Variants in OR6V1 observed in about 807,000 individuals in gnomAD.
OR6V1 encodes the protein olfactory receptor 6V1.
Under a neutral mutation model 13.2 loss-of-function variants are expected in OR6V1, and 10 were observed. The ratio of observed to expected loss-of-function variants is 0.76; its 90% CI spans 0.47 to 1.28. The LOEUF is 1.28. Ranked by LOEUF, OR6V1 falls within the 50% of genes most tolerant of loss-of-function variation. The probability of loss-of-function intolerance (pLI) is 0.00; values close to 1 mark genes in which losing one functional copy is unlikely to be tolerated. For synonymous variants in OR6V1, 137 were observed against 154.2 expected (o/e 0.89, Z 0.83); for missense variants, 350 against 380.4 (o/e 0.92, Z 0.67).
chr7:143,052,825 C>A lies in OR6V1; in HGVS notation c.485C>A (p.Ala162Asp). 6.2e-7 allele frequency: 1 copy of A among 1,614,036 alleles called. No individual in the cohort carries two copies. Among genetic ancestry groups the A allele is most frequent in the South Asian group, 1.1e-5 (1 of 91,086 alleles). Residue 162 changes from alanine to aspartate, a missense_variant, in exon 1 of 1, where the codon GCT becomes GAT. Ala to Asp is a moderately radical substitution (Grantham distance 126). Transcript: ENST00000418316. ...LAMVPTVLSR[A>D]HLDYCHGDVI... is the part of the protein sequence containing the mutation. ...ATGGTACCCACTGTCCTCTCCCGAG[C>A]TCATCTTGATTACTGCCATGGCGAC...
Position 143,053,006 on chromosome 7 carries a change from T to A in OR6V1, c.666T>A (p.Thr222=). The A allele has an allele frequency of 6.2e-7, 1 of 1,614,032 alleles. No homozygotes were observed. The highest frequency in any genetic ancestry group is 8.5e-7 in the Non-Finnish European group (1 of 1,179,900). ...TLISYGYIVT[T]VLRIPSASSC... is the part of the protein sequence containing the mutation. ...TCTCCTATGGCTACATAGTGACCAC[T>A]GTGCTGCGGATCCCCTCTGCCAGCA... The change falls in exon 1 of 1, where the codon ACT becomes ACA. Residue 222 remains threonine (T), a synonymous_variant. Transcript: ENST00000418316.
At position 143,052,456 on chromosome 7, in the gene OR6V1, G is replaced by A. The variant is rs1798212158; in HGVS notation, c.116G>A (p.Gly39Glu). The A allele has an allele frequency of 1.2e-6, 2 of 1,613,764 alleles. No homozygotes were observed. Among genetic ancestry groups the A allele is most frequent in the Non-Finnish European group, 1.7e-6 (2 of 1,179,838 alleles). The change falls in exon 1 of 1, where the codon GGA (glycine) becomes GAA (glutamate). Residue 39 changes from glycine to glutamate, a missense_variant. Gly to Glu is a moderately conservative substitution (Grantham distance 98, BLOSUM62 -2). Coordinates refer to ENST00000418316, the MANE Select transcript of OR6V1 (RefSeq NM_001001667.1). ...ATGCTTTATCTTCTCGCCTTCATGG[G>A]AAACACCATCATCATAGTTATGGTC... ...FLMLYLLAFM[G>E]NTIIIVMVIA...
At position 143,053,099 on chromosome 7, in the gene OR6V1, C is replaced by G; in HGVS notation, c.759C>G (p.Thr253=). 1 of 1,614,006 alleles carries G rather than the reference C, an allele frequency of 6.2e-7. No individual in the cohort carries two copies. The highest frequency in any genetic ancestry group is 8.5e-7 in the Non-Finnish European group (1 of 1,179,872). The change falls in exon 1 of 1, where the codon ACC becomes ACG. Residue 253 remains threonine, a synonymous_variant. Coordinates refer to ENST00000418316, the MANE Select transcript of OR6V1 (RefSeq NM_001001667.1). The part of the protein sequence containing the change: ...LTLVFIGYSS[T]IFLYVRPGKA... ...TGGTCTTCATCGGCTACAGTAGTAC[C>G]ATCTTTCTGTATGTCAGGCCTGGCA... is the stretch of plus-strand genomic sequence containing the variant.
At position 143,053,058 on chromosome 7, in the gene OR6V1, G is replaced by A. The variant is rs756838911; in HGVS notation, c.718G>A (p.Gly240Arg). 1.3e-5 allele frequency: 21 copies of A among 1,613,806 alleles called. No individual in the cohort carries two copies. Among genetic ancestry groups the A allele is most frequent in the East Asian group, 6.7e-5 (3 of 44,890 alleles). Residue 240 changes from glycine to arginine, a missense_variant, in exon 1 of 1, where the codon GGG (glycine) becomes AGG (arginine). Physicochemically the swap from Gly to Arg is moderately radical, Grantham distance 125 (BLOSUM62 -2). Coordinates refer to ENST00000418316, the MANE Select transcript of OR6V1 (RefSeq NM_001001667.1). ...SSCQKAFSTC[G>R]SHLTLVFIGY... ...CTGCCAGAAGGCTTTCTCCACTTGC[G>A]GGTCTCACCTCACACTGGTCTTCAT...
At position 143,052,535 on chromosome 7, in the gene OR6V1, C is replaced by T. The variant is rs562001300; in HGVS notation, c.195C>T (p.Ser65=). ...TPMYFFLGNF[S]LLEILVTMTA... ...TGTACTTCTTCCTGGGCAATTTTTC[C>T]CTGCTGGAGATCTTGGTAACCATGA... is the stretch of plus-strand genomic sequence containing the variant. The change falls in exon 1 of 1, where the codon TCC becomes TCT. Residue 65 remains serine (S), a synonymous_variant. Transcript: ENST00000418316. The T allele has an allele frequency of 1.2e-6, 2 of 1,614,036 alleles. No homozygotes were observed. Among genetic ancestry groups the T allele is most frequent in the Non-Finnish European group, 1.7e-6 (2 of 1,179,888 alleles).
chr7:143,053,028 A>T lies in OR6V1; in HGVS notation c.688A>T (p.Ser230Cys). 2 of 1,613,954 alleles carry T rather than the reference A, an allele frequency of 1.2e-6. No homozygotes were observed. Among genetic ancestry groups the T allele is most frequent in the Non-Finnish European group, 1.7e-6 (2 of 1,179,848 alleles). Residue 230 changes from serine (S) to cysteine (C), a missense_variant, in exon 1 of 1, where the codon AGC becomes TGC. Transcript: ENST00000418316. ...VTTVLRIPSA[S>C]SCQKAFSTCG... is the part of the protein sequence containing the mutation. ...CACTGTGCTGCGGATCCCCTCTGCC[A>T]GCAGCTGCCAGAAGGCTTTCTCCAC...
At position 143,052,528 on chromosome 7, in the gene OR6V1, A is replaced by T; in HGVS notation, c.188A>T (p.Asn63Ile). The T allele has an allele frequency of 6.2e-7, 1 of 1,613,784 alleles. No homozygotes were observed. Among genetic ancestry groups the T allele is most frequent in the Non-Finnish European group, 8.5e-7 (1 of 1,179,858 alleles). Residue 63 changes from asparagine (N) to isoleucine (I), a missense_variant, in exon 1 of 1, where the codon AAT (asparagine) becomes ATT (isoleucine). Coordinates refer to ENST00000418316, the MANE Select transcript of OR6V1 (RefSeq NM_001001667.1). Reference protein sequence around the residue: ...LHTPMYFFLGNFSLLEILVTM... With the variant: ...LHTPMYFFLGIFSLLEILVTM... ...ACACCCATGTACTTCTTCCTGGGCA[A>T]TTTTTCCCTGCTGGAGATCTTGGTA... is the stretch of plus-strand genomic sequence containing the variant.
chr7:143,053,128 C>G lies in OR6V1; in HGVS notation c.788C>G (p.Ala263Gly), dbSNP rs1798228210. Reference protein sequence around the residue: ...TIFLYVRPGKAHSVQVRKVVA... With the variant: ...TIFLYVRPGKGHSVQVRKVVA... ...TTTCTGTATGTCAGGCCTGGCAAAG[C>G]TCACTCTGTGCAAGTCAGGAAGGTC... The change falls in exon 1 of 1, where the codon GCT (alanine) becomes GGT (glycine). Residue 263 changes from alanine (A) to glycine (G), a missense_variant. Transcript: ENST00000418316. 6.2e-7 allele frequency: 1 copy of G among 1,614,056 alleles called. No homozygotes were observed. The highest frequency in any genetic ancestry group is 1.6e-4 in the Middle Eastern group (1 of 6,062).
rs1396646482 is a variant in OR6V1 at position 143,053,279 on chromosome 7, A to G, written c.939A>G (p.Gln313=). ...GGCTGAAAGGCCTTTGCAAGGCACA[A>G]TGATGAGCCCAGGGCCCAGGGGAAC... ...MQRLKGLCKA[Q] Residue 313 remains glutamine, a synonymous_variant, in exon 1 of 1, where the codon CAA becomes CAG. Coordinates refer to ENST00000418316, the MANE Select transcript of OR6V1 (RefSeq NM_001001667.1). 7.5e-6 allele frequency: 12 copies of G among 1,595,556 alleles called. No homozygotes were observed. In the East Asian group the frequency reaches 1.6e-4, roughly 21 times the overall value.
Position 143,052,617 on chromosome 7 carries a change from A to G in OR6V1, c.277A>G (p.Thr93Ala). 2 of 1,613,970 alleles carry G rather than the reference A, an allele frequency of 1.2e-6. No homozygotes were observed. The highest frequency in any genetic ancestry group is 8.5e-7 in the Non-Finnish European group (1 of 1,179,880). The change falls in exon 1 of 1, where the codon ACT becomes GCT. Residue 93 changes from threonine to alanine, a missense_variant. Transcript: ENST00000418316. ...LLVPHKVITFTGCMVQFYFHF... is the reference protein window; with the variant it reads ...LLVPHKVITFAGCMVQFYFHF... ...GGTCCCCCACAAAGTCATTACCTTC[A>G]CTGGCTGCATGGTCCAGTTCTACTT...
Position 143,052,559 on chromosome 7 carries a change from G to A in OR6V1, c.219G>A (p.Met73Ile). The A allele has an allele frequency of 6.2e-7, 1 of 1,614,028 alleles. No individual in the cohort carries two copies. The highest frequency in any genetic ancestry group is 8.5e-7 in the Non-Finnish European group (1 of 1,179,896). ...NFSLLEILVT[M>I]TAVPRMLSDL... is the part of the protein sequence containing the mutation. ...CCCTGCTGGAGATCTTGGTAACCAT[G>A]ACTGCAGTGCCCAGGATGCTCTCAG... The change falls in exon 1 of 1, where the codon ATG (methionine) becomes ATA (isoleucine). Residue 73 changes from methionine (M) to isoleucine (I), a missense_variant. Coordinates refer to ENST00000418316, the MANE Select transcript of OR6V1 (RefSeq NM_001001667.1).
Position 143,052,747 on chromosome 7 carries a change from G to A in OR6V1, c.407G>A (p.Arg136Gln), listed in dbSNP as rs750436531. 4.5e-5 allele frequency: 73 copies of A among 1,613,896 alleles called. 1 individual carries two copies. In the South Asian group the frequency reaches 5.9e-4, roughly 13 times the overall value. The change falls in exon 1 of 1, where the codon CGG becomes CAG. Residue 136 changes from arginine (R) to glutamine (Q), a missense_variant. Transcript: ENST00000418316. ...HPLRYGTLMS[R>Q]AMCVQLAGAA... ...CTGCGCTATGGCACTCTGATGAGCCGGGCTATGTGTGTCCAGCTGGCTGGG... is the reference window on the plus strand; with the variant it reads ...CTGCGCTATGGCACTCTGATGAGCCAGGCTATGTGTGTCCAGCTGGCTGGG...
At position 143,052,711 on chromosome 7, in the gene OR6V1, T is replaced by C. The variant is rs778444290; in HGVS notation, c.371T>C (p.Ile124Thr). Reference protein sequence around the residue: ...TDMALDRFVAICHPLRYGTLM... With the variant: ...TDMALDRFVATCHPLRYGTLM... Reference sequence around the variant, plus strand: ...ATGGCCCTTGATCGCTTTGTGGCCATCTGCCACCCACTGCGCTATGGCACT... The same window carrying C: ...ATGGCCCTTGATCGCTTTGTGGCCACCTGCCACCCACTGCGCTATGGCACT... Residue 124 changes from isoleucine (I) to threonine (T), a missense_variant, in exon 1 of 1, where the codon ATC (isoleucine) becomes ACC (threonine). Physicochemically the swap from Ile to Thr is moderately conservative, Grantham distance 89. Coordinates refer to ENST00000418316, the MANE Select transcript of OR6V1 (RefSeq NM_001001667.1). The C allele has an allele frequency of 4.3e-6, 7 of 1,613,906 alleles. No individual in the cohort carries two copies. The highest frequency in any genetic ancestry group is 5.9e-6 in the Non-Finnish European group (7 of 1,179,888).
In OR6V1 at chr7:143,053,212, G is replaced by A; in HGVS notation, c.872G>A (p.Cys291Tyr). 2 of 1,613,242 alleles carry A rather than the reference G, an allele frequency of 1.2e-6. No homozygotes were observed. The highest frequency in any genetic ancestry group is 1.7e-6 in the Non-Finnish European group (2 of 1,179,880). ...PFLNPFILTF[C>Y]NQTVKTVLQG... ...CTCAATCCCTTTATCCTTACCTTCT[G>A]CAATCAGACAGTTAAAACAGTGCTA... Residue 291 changes from cysteine to tyrosine, a missense_variant, in exon 1 of 1, where the codon TGC becomes TAC. Coordinates refer to ENST00000418316, the MANE Select transcript of OR6V1 (RefSeq NM_001001667.1).
Position 143,052,928 on chromosome 7 carries a change from G to A in OR6V1, c.588G>A (p.Trp196Ter). The A allele has an allele frequency of 6.2e-7, 1 of 1,613,974 alleles. No individual in the cohort carries two copies. The highest frequency in any genetic ancestry group is 8.5e-7 in the Non-Finnish European group (1 of 1,179,874). Residue 196 changes from tryptophan to a stop codon, truncating the protein, a stop_gained, in exon 1 of 1, where the codon TGG (tryptophan) becomes TGA (stop). Transcript: ENST00000418316. LOFTEE classifies it high-confidence loss of function. ...SCSDTRLLEF[W>*]DFLMALTFVL... ...CTGACACTCGCCTGTTGGAATTCTGGGACTTTCTGATGGCCTTGACCTTTG... is the reference window on the plus strand; with the variant it reads ...CTGACACTCGCCTGTTGGAATTCTGAGACTTTCTGATGGCCTTGACCTTTG...
At position 143,053,269 on chromosome 7, in the gene OR6V1, G is replaced by A; in HGVS notation, c.929G>A (p.Cys310Tyr). 6.2e-7 allele frequency: 1 copy of A among 1,601,698 alleles called. No individual in the cohort carries two copies. The highest frequency in any genetic ancestry group is 8.5e-7 in the Non-Finnish European group (1 of 1,178,624). Residue 310 changes from cysteine to tyrosine, a missense_variant, in exon 1 of 1, where the codon TGC becomes TAC. Physicochemically the swap from Cys to Tyr is radical, Grantham distance 194. Coordinates refer to ENST00000418316, the MANE Select transcript of OR6V1 (RefSeq NM_001001667.1). ...CAGATGCAGAGGCTGAAAGGCCTTT[G>A]CAAGGCACAATGATGAGCCCAGGGC... Reference protein sequence around the residue: ...QGQMQRLKGLCKAQ With the variant: ...QGQMQRLKGLYKAQ
chr7:143,053,213 C>T lies in OR6V1; in HGVS notation c.873C>T (p.Cys291=). 2 of 1,613,230 alleles carry T rather than the reference C, an allele frequency of 1.2e-6. No individual in the cohort carries two copies. The highest frequency in any genetic ancestry group is 1.7e-6 in the Non-Finnish European group (2 of 1,179,866). ...PFLNPFILTF[C]NQTVKTVLQG... Reference sequence around the variant, plus strand: ...TCAATCCCTTTATCCTTACCTTCTGCAATCAGACAGTTAAAACAGTGCTAC... The same window carrying T: ...TCAATCCCTTTATCCTTACCTTCTGTAATCAGACAGTTAAAACAGTGCTAC... The change falls in exon 1 of 1, where the codon TGC becomes TGT. Residue 291 remains cysteine (C), a synonymous_variant. Transcript: ENST00000418316.
At position 143,053,045 on chromosome 7, in the gene OR6V1, T is replaced by G; in HGVS notation, c.705T>G (p.Ala235=). 3.7e-6 allele frequency: 6 copies of G among 1,614,004 alleles called. No homozygotes were observed. The highest frequency in any genetic ancestry group is 5.1e-6 in the Non-Finnish European group (6 of 1,179,888). The change falls in exon 1 of 1, where the codon GCT becomes GCG. Residue 235 remains alanine (A), a synonymous_variant. Coordinates refer to ENST00000418316, the MANE Select transcript of OR6V1 (RefSeq NM_001001667.1). ...RIPSASSCQK[A]FSTCGSHLTL... is the part of the protein sequence containing the mutation. Reference sequence around the variant, plus strand: ...CCTCTGCCAGCAGCTGCCAGAAGGCTTTCTCCACTTGCGGGTCTCACCTCA... The same window carrying G: ...CCTCTGCCAGCAGCTGCCAGAAGGCGTTCTCCACTTGCGGGTCTCACCTCA...
Position 143,053,163 on chromosome 7 carries a change from G to C in OR6V1, c.823G>C (p.Val275Leu), listed in dbSNP as rs1452882776. ...GCAAGTCAGGAAGGTCGTGGCCTTG[G>C]TGACTTCAGTTCTCACCCCCTTTCT... ...SVQVRKVVAL[V>L]TSVLTPFLNP... The change falls in exon 1 of 1, where the codon GTG becomes CTG. Residue 275 changes from valine (V) to leucine (L), a missense_variant. Val to Leu is a conservative substitution (Grantham distance 32). Coordinates refer to ENST00000418316, the MANE Select transcript of OR6V1 (RefSeq NM_001001667.1). The C allele has an allele frequency of 4.6e-5, 74 of 1,613,796 alleles. No homozygotes were observed. In the Admixed American group the frequency reaches 1.2e-3, roughly 27 times the overall value.
Sources: allele counts gnomAD v4.1 joint callset, GRCh38; gene constraint gnomAD v4.1.1; transcripts MANE v1.5; gene names NCBI Gene and HGNC (gene_info 2026-07-23, HGNC 2026-07-21).